SEC24D: variants seen among roughly 807,000 people sequenced by gnomAD.
SEC24D encodes SEC24 homolog D, COPII component.
In SEC24D, 69 loss-of-function variants were observed where a neutral mutation model predicts 116.9. The observed-to-expected ratio is 0.59, with a 90% CI of 0.49 to 0.72. The LOEUF (loss-of-function observed/expected upper bound fraction) is 0.72. SEC24D is among the 30% of genes least tolerant of loss of function. The pLI is 0.00. For synonymous variants in SEC24D, 405 were observed against 442.8 expected (o/e 0.91, Z 1.07); for missense variants, 1,131 against 1,264.1 (o/e 0.89, Z 1.60).
In SEC24D at chr4:118,824,767, G is replaced by C. The variant is rs1730530773; in HGVS notation, c.119-18C>G. ...CATCATACCTGCAAGAGAGGGGCAT[G>C]AATTTAGAAGTGTATTAAAGTACAA... is the stretch of plus-strand genomic sequence containing the variant. On this transcript the variant is annotated intron_variant, in intron 2 of 22. Coordinates refer to ENST00000280551, the MANE Select transcript of SEC24D (RefSeq NM_014822.4). 2 of 1,561,620 alleles carry C rather than the reference G, an allele frequency of 1.3e-6. No homozygotes were observed. The highest frequency in any genetic ancestry group is 1.7e-6 in the Non-Finnish European group (2 of 1,158,984).
chr4:118,763,759 T>C (rs1727504728), intron 10 of SEC24D, among the ~76,000 whole-genome samples: 1 of 152,174 alleles, frequency 6.6e-6, no homozygotes, highest in Non-Finnish European at 1.5e-5. Context: ...ACTGATCAAC[T>C]ACCTATCCCA....
In SEC24D at chr4:118,764,856, T is replaced by C. The variant is rs966966694; in HGVS notation, c.1242A>G (p.Lys414=). The C allele has an allele frequency of 6.2e-7, 1 of 1,611,692 alleles. No individual in the cohort carries two copies. Among genetic ancestry groups the C allele is most frequent in the African/African-American group, 1.3e-5 (1 of 74,884 alleles). The change falls in exon 10 of 23, where the codon AAA becomes AAG. Residue 414 remains lysine, a synonymous_variant. Transcript: ENST00000280551. The stretch of plus-strand genomic sequence containing the variant: ...CATAAGATCCTAGAGATAACTCTGG[T>C]TTCTCATAGTGGTCCAGTCTTCTTC... ...HIGRRLDHYE[K]PELSLGSYEY...
chr4:118,786,897 T>C (rs1728682150), intron 8 of SEC24D, among the ~76,000 whole-genome samples: 1 of 152,218 alleles, frequency 6.6e-6, no homozygotes, highest in African/African-American at 2.4e-5. Flanking sequence ...TTCTTTGTAT[T>C]GTTTCTCCTG....
intron 20 of SEC24D, among the ~76,000 whole-genome samples, chr4:118,731,928 A>C (rs888025161): frequency 1.3e-5 from 2 of 151,840 alleles, no homozygotes; most frequent in Non-Finnish European, 2.9e-5. Flanking sequence ...AGGAAAAGCT[A>C]GTGCACTGGT....
chr4:118,774,359 A>G (rs1350421028), intron 8 of SEC24D, among the ~76,000 whole-genome samples: 3 of 152,162 alleles, frequency 2.0e-5, no homozygotes. Flanking sequence ...GACTTTTCAT[A>G]ATAAATGTAA....
chr4:118,747,698 C>A (rs1472386478), intron 13 of SEC24D, among the ~76,000 whole-genome samples: 1 of 152,200 alleles, frequency 6.6e-6, no homozygotes, highest in Non-Finnish European at 1.5e-5. Flanking sequence ...AAGGCATTCA[C>A]TGTCAAAAAT....
At chr4:118,791,338 T>C (rs935872844) in intron 8 of SEC24D, among the ~76,000 whole-genome samples, 4 of 152,158 alleles carry the variant, frequency 2.6e-5, no homozygotes, top group African/African-American at 9.7e-5. Context: ...CGCAGTGCTT[T>C]AGAGCACTTT....
intron 17 of SEC24D, 61 bp from the exon 18 acceptor site, chr4:118,739,348 T>C: frequency 1.3e-6 from 2 of 1,509,136 alleles, no homozygotes; most frequent in East Asian, 2.3e-5. Context: ...CAAGCTAACT[T>C]GATCTTACTT....
At chr4:118,781,456 C>T (rs543828188) in intron 8 of SEC24D, among the ~76,000 whole-genome samples, 23 of 152,280 alleles carry the variant, frequency 1.5e-4, no homozygotes, top group African/African-American at 2.4e-4. Context: ...CCTAGAGGTC[C>T]GCTGTTAGTC....
rs114083153 is a variant in SEC24D at position 118,825,656 on chromosome 4, C to T, written c.119-907G>A. On this transcript the variant is annotated intron_variant, in intron 2 of 22. Transcript: ENST00000280551. ...AGGCTTAGACTAGATTACCTGAGAC[C>T]TCTTCTAGCTTCTAGAAAGAAAAAA... 529 of 425,212 alleles carry T rather than the reference C, an allele frequency of 1.2e-3. 4 individuals are homozygous for T. The highest frequency in any genetic ancestry group is 0.01 in the African/African-American group (483 of 47,904). The allele number at this position is 425,212 out of a possible 1,614,324, so 26.3% of individuals were successfully genotyped here. A position where few individuals can be genotyped will look rare whatever the true frequency, so the allele number is the denominator to read the frequency against.
intron 2 of SEC24D, 105 bp downstream of exon 2, chr4:118,833,474 A>T: frequency 1.3e-6 from 1 of 757,466 alleles, no homozygotes; most frequent in Non-Finnish European, 2.2e-6. Flanking sequence ...CCATTTCATT[A>T]TATAATGATC....
At chr4:118,735,231 T>A (rs1725897303) in intron 19 of SEC24D, among the ~76,000 whole-genome samples, 1 of 151,928 alleles carries the variant, frequency 6.6e-6, no homozygotes, top group African/African-American at 2.4e-5. Context: ...GAAAATCTAA[T>A]CATGAAAACA....
intron 10 of SEC24D, among the ~76,000 whole-genome samples, chr4:118,759,981 G>T (rs578046826): frequency 6.6e-6 from 1 of 152,140 alleles, no homozygotes; most frequent in East Asian, 1.9e-4. Flanking sequence ...TTTCCTACAA[G>T]AAACTTATAA....
intron 13 of SEC24D, among the ~76,000 whole-genome samples, chr4:118,751,425 GCCT>G (rs1234457431): frequency 6.6e-6 from 1 of 152,128 alleles, no homozygotes; most frequent in Non-Finnish European, 1.5e-5. Context: ...TGGTCTGCCT[GCCT>G]CAGCCTCCCA....
intron 22 of SEC24D, among the ~76,000 whole-genome samples, chr4:118,725,438 G>A (rs1725360497): frequency 6.6e-6 from 1 of 152,172 alleles, no homozygotes; most frequent in African/African-American, 2.4e-5. Flanking sequence ...ATGATTGGTA[G>A]GGGCAGTGTG....
At chr4:118,744,881 C>T in intron 14 of SEC24D, 63 bp downstream of exon 14, 1 of 882,588 alleles carries the variant, frequency 1.1e-6, no homozygotes, top group Non-Finnish European at 1.9e-6. Flanking sequence ...ACATGAAGAA[C>T]ACACTGCCTC....
rs776403979 is a variant in SEC24D at position 118,739,329 on chromosome 4, A to G, written c.2239-42T>C. ...GAGGTCACATGTTTTTCTGATTAAC[A>G]TATCCACCCAAGCTAACTTGATCTT... is the stretch of plus-strand genomic sequence containing the variant. On this transcript the variant is annotated intron_variant, in intron 17 of 22. Transcript: ENST00000280551. The G allele has an allele frequency of 3.1e-6, 5 of 1,587,426 alleles. No homozygotes were observed. The South Asian group carries it at 4.5e-5, about 14-fold the overall frequency.
chr4:118,816,111 T>C (rs1730137057), intron 4 of SEC24D, among the ~76,000 whole-genome samples: 1 of 98,648 alleles, frequency 1.0e-5, no homozygotes, highest in African/African-American at 3.4e-5. Flanking sequence ...TTTTTTTTTG[T>C]AGAGTTGGGG....
chr4:118,723,348 T>G lies in SEC24D; in HGVS notation c.*167A>C. 1 of 619,322 alleles carries G rather than the reference T, an allele frequency of 1.6e-6. No homozygotes were observed. The highest frequency in any genetic ancestry group is 2.7e-6 in the Non-Finnish European group (1 of 366,110). The allele number at this position is 619,322 out of a possible 1,614,324, so 38.4% of individuals were successfully genotyped here. ...ATGGTACAATTGTACCTTAATTGGC[T>G]TTATACCTGAGCACCAAAGCTGAAG... On this transcript the variant is annotated 3_prime_UTR_variant, in exon 23 of 23. Coordinates refer to ENST00000280551, the MANE Select transcript of SEC24D (RefSeq NM_014822.4).
Sources: allele counts gnomAD v4.1 joint callset (sites outside exome capture counted in the v4.1 genomes callset), GRCh38; gene constraint gnomAD v4.1.1; transcripts MANE v1.5; gene names NCBI Gene and HGNC (gene_info 2026-07-23, HGNC 2026-07-21).